Variants in SGK3 observed in about 807,000 individuals in gnomAD.
The protein encoded by SGK3 is serum/glucocorticoid regulated kinase family member 3, also known as serine/threonine-protein kinase Sgk3.
A neutral mutation model predicts 68.5 loss-of-function variants in SGK3; 47 were observed. That is an observed-to-expected ratio of 0.69 (90% CI 0.54 to 0.87). The LOEUF (loss-of-function observed/expected upper bound fraction) is 0.87, where lower values mean the gene tolerates loss of function less well. Ranked by LOEUF, SGK3 falls within the 40% of genes least tolerant of loss-of-function variation. The pLI is 0.00. For synonymous variants in SGK3, 181 were observed against 189.1 expected (o/e 0.96, Z 0.35); for missense variants, 479 against 575.5 (o/e 0.83, Z 1.72).
chr8:66,809,912 G>T (rs1808311752), intron 4 of SGK3, among the ~76,000 whole-genome samples: 2 of 152,160 alleles, frequency 1.3e-5, no homozygotes, highest in Non-Finnish European at 2.9e-5. Flanking sequence ...AAGGGGCTTT[G>T]CGTGTCCTTA....
At chr8:66,778,521 C>T (rs1806815958) in intron 1 of SGK3, among the ~76,000 whole-genome samples, 1 of 152,216 alleles carries the variant, frequency 6.6e-6, no homozygotes, top group Admixed American at 6.5e-5. Flanking sequence ...TGGTCTCGAT[C>T]TCCTGACCTC....
chr8:66,790,511 G>A (rs530507246), intron 1 of SGK3, among the ~76,000 whole-genome samples: 35 of 152,246 alleles, frequency 2.3e-4, no homozygotes, highest in African/African-American at 5.8e-4. Context: ...AGCCAGTGCC[G>A]TATGTTAACA....
In SGK3 at chr8:66,793,937, A is replaced by G. The variant is rs1169332200; in HGVS notation, c.96+105A>G. 6 of 1,161,874 alleles carry G rather than the reference A, an allele frequency of 5.2e-6. No homozygotes were observed. The Admixed American group carries it at 1.1e-4, about 22-fold the overall frequency. 72.0% of individuals were successfully genotyped at this position (1,161,874 alleles called of 1,614,324 possible). A position where few individuals can be genotyped will look rare whatever the true frequency, so the allele number is the denominator to read the frequency against. ...AGAACACCCCCTTCCCCATCTCCAC[A>G]TACCTAGATTTTACTTCTTTCACAT... is the stretch of plus-strand genomic sequence containing the variant. On this transcript the variant is annotated intron_variant, in intron 2 of 16. Coordinates refer to ENST00000521198, the MANE Select transcript of SGK3 (RefSeq NM_001033578.3).
At chr8:66,827,202 C>A (rs564607529) in intron 6 of SGK3, among the ~76,000 whole-genome samples, 1 of 150,876 alleles carries the variant, frequency 6.6e-6, no homozygotes, top group Non-Finnish European at 1.5e-5. Context: ...GTCAACATGG[C>A]GAAACCCTAT....
At position 66,831,206 on chromosome 8, in the gene SGK3, A is replaced by G. The variant is rs1166278011; in HGVS notation, c.468-48A>G. 3.7e-6 allele frequency: 6 copies of G among 1,601,204 alleles called. No homozygotes were observed. In the African/African-American group the frequency reaches 8.1e-5, roughly 22 times the overall value. ...GGTGCTAAGAAATGTTTAAAAGTTA[A>G]TATTTCCAATTTCTAGGAGGCTAAT... is the stretch of plus-strand genomic sequence containing the variant. On this transcript the variant is annotated intron_variant, in intron 7 of 16. Transcript: ENST00000521198.
chr8:66,724,655 T>G (rs1447691361), intron 1 of SGK3, among the ~76,000 whole-genome samples: 1 of 152,196 alleles, frequency 6.6e-6, no homozygotes, highest in East Asian at 1.9e-4. Flanking sequence ...CCACTGAAAT[T>G]ATTTATTGCT....
rs1371459977 is a variant in SGK3 at position 66,832,911 on chromosome 8, T to G, written c.525+1600T>G. On this transcript the variant is annotated intron_variant, in intron 8 of 16. Coordinates refer to ENST00000521198, the MANE Select transcript of SGK3 (RefSeq NM_001033578.3). Reference sequence around the variant, plus strand: ...AAAACTGGTTTTTTTGTTTGTTTTGTTTTTTTTTTTGCCATCTGATGGGCC... The same window carrying G: ...AAAACTGGTTTTTTTGTTTGTTTTGGTTTTTTTTTTGCCATCTGATGGGCC... 6.8e-5 allele frequency among the ~76,000 whole-genome samples: 8 copies of G among 118,336 alleles called. No individual in the cohort carries two copies. The East Asian group carries it at 1.3e-3, about 19-fold the overall frequency. 77.6% of individuals were successfully genotyped at this position (118,336 alleles called of 152,430 possible). A position where few individuals can be genotyped will look rare whatever the true frequency, so the allele number is the denominator to read the frequency against.
At chr8:66,805,545 G>A (rs1011331481) in intron 4 of SGK3, among the ~76,000 whole-genome samples, 5 of 151,714 alleles carry the variant, frequency 3.3e-5, no homozygotes, top group Admixed American at 2.0e-4. Context: ...AAAGAGAGAG[G>A]GACATCCTAT....
At chr8:66,790,413 G>A (rs1294179298) in intron 1 of SGK3, among the ~76,000 whole-genome samples, 1 of 152,204 alleles carries the variant, frequency 6.6e-6, no homozygotes, top group Non-Finnish European at 1.5e-5. Flanking sequence ...CAGCAAGGAA[G>A]TTCAGCTGAA....
At chr8:66,761,326 A>G (rs2130461628) in intron 1 of SGK3, among the ~76,000 whole-genome samples, 1 of 152,302 alleles carries the variant, frequency 6.6e-6, no homozygotes, top group South Asian at 2.1e-4. Flanking sequence ...TTTTTTAACT[A>G]CAAGTGATGG....
intron 1 of SGK3, among the ~76,000 whole-genome samples, chr8:66,734,592 C>T (rs946353867): frequency 3.9e-5 from 6 of 152,074 alleles, no homozygotes; most frequent in African/African-American, 1.4e-4. Context: ...ATACACAGTA[C>T]TCCCCCTTAT....
intron 4 of SGK3, among the ~76,000 whole-genome samples, chr8:66,809,117 C>T (rs1166640851): frequency 2.0e-5 from 3 of 152,152 alleles, no homozygotes; most frequent in Non-Finnish European, 4.4e-5. Context: ...ATCCACTGGC[C>T]TCAGCCTCCC....
At chr8:66,726,522 T>C (rs1804988359) in intron 1 of SGK3, among the ~76,000 whole-genome samples, 1 of 152,218 alleles carries the variant, frequency 6.6e-6, no homozygotes, top group Non-Finnish European at 1.5e-5. Flanking sequence ...CTTTCATTTT[T>C]ACTTTATCAT....
At chr8:66,743,805 T>G (rs924200060) in intron 1 of SGK3, among the ~76,000 whole-genome samples, 2 of 152,196 alleles carry the variant, frequency 1.3e-5, no homozygotes, top group South Asian at 4.1e-4. Context: ...GAGCTACCGC[T>G]CCGAGAGCTA....
intron 1 of SGK3, among the ~76,000 whole-genome samples, chr8:66,726,801 T>TAAAAAAAAAAAA (rs560794837): frequency 2.2e-4 from 18 of 80,976 alleles, no homozygotes; most frequent in African/African-American, 6.9e-4. Flanking sequence ...ACCCTGTCTG[T>TAAAAAAAAAAAA]AAAAAAAAAA....
chr8:66,752,373 C>T (rs539581387), intron 1 of SGK3, among the ~76,000 whole-genome samples: 25 of 152,018 alleles, frequency 1.6e-4, no homozygotes, highest in African/African-American at 6.0e-4. Context: ...CAATTGGTCA[C>T]CTACAGGGCA....
At position 66,841,122 on chromosome 8, in the gene SGK3, A is replaced by G; in HGVS notation, c.978+12A>G. On this transcript the variant is annotated intron_variant, in intron 13 of 16. Transcript: ENST00000521198. The stretch of plus-strand genomic sequence containing the variant: ...GTGGGACACCAGAGGTAAGAAATAT[A>G]TCTCATTGTCATTTATATAATCATG... 6.4e-7 allele frequency: 1 copy of G among 1,558,932 alleles called. No individual in the cohort carries two copies. The highest frequency in any genetic ancestry group is 1.2e-5 in the South Asian group (1 of 82,074).
chr8:66,736,775 A>C (rs895591432), intron 1 of SGK3, among the ~76,000 whole-genome samples: 1 of 152,012 alleles, frequency 6.6e-6, no homozygotes, highest in East Asian at 1.9e-4. Flanking sequence ...GTGTGCCACC[A>C]TGCCCAGCTA....
chr8:66,749,263 C>T (rs1216701166), intron 1 of SGK3, among the ~76,000 whole-genome samples: 1 of 152,048 alleles, frequency 6.6e-6, no homozygotes, highest in Non-Finnish European at 1.5e-5. Context: ...CCTGTAATCC[C>T]AGCACTTTGG....
Sources: allele counts gnomAD v4.1 joint callset (sites outside exome capture counted in the v4.1 genomes callset), GRCh38; gene constraint gnomAD v4.1.1; transcripts MANE v1.5; gene names NCBI Gene and HGNC (gene_info 2026-07-23, HGNC 2026-07-21).